The following P2RX4 variants were observed in gnomAD, a reference collection of about 807,000 sequenced individuals.
P2RX4 encodes P2X purinoceptor 4.
In P2RX4, 37 loss-of-function variants were observed where a neutral mutation model predicts 48.0. The ratio of observed to expected loss-of-function variants is 0.77; its 90% CI spans 0.59 to 1.01. The LOEUF (loss-of-function observed/expected upper bound fraction) is 1.01, where lower values mean the gene tolerates loss of function less well. P2RX4 is among the 50% of genes least tolerant of loss of function. P2RX4 has a pLI of 0.00. For synonymous variants in P2RX4, 200 were observed against 199.7 expected (o/e 1.00, Z -0.01); for missense variants, 501 against 521.4 (o/e 0.96, Z 0.38).
rs113072675 is a variant in P2RX4, at chr12:121,223,712, CG to C, written c.524+676del. On this transcript the variant is annotated intron_variant, in intron 5 of 11. Coordinates refer to ENST00000337233, the MANE Select transcript of P2RX4 (RefSeq NM_002560.3). ...TACACACATACACATGCGTGCACAGCGGGGGGGCAGTGTATTGTCCGGCTGA... is the reference window on the plus strand; with the variant it reads ...TACACACATACACATGCGTGCACAGCGGGGGGCAGTGTATTGTCCGGCTGA... Among the ~76,000 whole-genome samples the C allele has an allele frequency of 3.9e-5, 6 of 152,066 alleles. No individual in the cohort carries two copies. The East Asian group carries it at 5.8e-4, about 15-fold the overall frequency.
At chr12:121,218,573 G>A (rs1886374844) in intron 2 of P2RX4, among the ~76,000 whole-genome samples, 1 of 152,172 alleles carries the variant, frequency 6.6e-6, no homozygotes, top group Admixed American at 6.5e-5. Context: ...AGAGACGGTT[G>A]CCTCCTGTGC....
At position 121,212,824 on chromosome 12, in the gene P2RX4, A is replaced by ATATTTTTTTT. The variant is rs370835501; in HGVS notation, c.134+2527_134+2528insATTTTTTTTT. Reference sequence around the variant, plus strand: ...TATATATATATATATATATATATATATTTTTTTTTTTTTTTTGGAGACTCA... The same window carrying ATATTTTTTTT: ...TATATATATATATATATATATATATATATTTTTTTTTTTTTTTTTTTTTTTTGGAGACTCA... On this transcript the variant is annotated intron_variant, in intron 1 of 11. Transcript: ENST00000337233. 7.1e-3 allele frequency: 228 copies of ATATTTTTTTT among 32,232 alleles called. 2 individuals are homozygous for ATATTTTTTTT. Among genetic ancestry groups the ATATTTTTTTT allele is most frequent in the Non-Finnish European group, 9.6e-3 (200 of 20,820 alleles). The allele number at this position is 32,232 out of a possible 1,614,324, so 2.0% of individuals were successfully genotyped here. A position where few individuals can be genotyped will look rare whatever the true frequency, so the allele number is the denominator to read the frequency against.
intron 1 of P2RX4, 137 bp from the exon 2 acceptor site, chr12:121,216,997 T>C (rs751943413): frequency 1.1e-6 from 1 of 882,344 alleles, no homozygotes; most frequent in African/African-American, 1.6e-5. Flanking sequence ...TGGAGTCCCC[T>C]AGAAGGTACG....
chr12:121,219,311 G>A lies in P2RX4; in HGVS notation c.282+2030G>A, dbSNP rs76093908. Among the ~76,000 whole-genome samples the A allele has an allele frequency of 8.0e-3, 1,218 of 152,282 alleles. 7 individuals carry two copies. The highest frequency in any genetic ancestry group is 0.014 in the Middle Eastern group (4 of 294). On this transcript the variant is annotated intron_variant, in intron 2 of 11. Coordinates refer to ENST00000337233, the MANE Select transcript of P2RX4 (RefSeq NM_002560.3). ...TAGAGCTTCCACCACTTGTCAGACC[G>A]TGGGGTTGGGGATGTCTACAGACTG...
At chr12:121,212,279 A>T (rs999465119) in intron 1 of P2RX4, among the ~76,000 whole-genome samples, 2 of 151,962 alleles carry the variant, frequency 1.3e-5, no homozygotes. Flanking sequence ...CATCAGAACC[A>T]CCTGGCCCAC....
Position 121,232,737 on chromosome 12 carries a change from T to C in P2RX4, c.1044+61T>C. The C allele has an allele frequency of 7.2e-7, 1 of 1,394,164 alleles. No individual in the cohort carries two copies. Among genetic ancestry groups the C allele is most frequent in the South Asian group, 1.2e-5 (1 of 86,808 alleles). 86.4% of individuals were successfully genotyped at this position (1,394,164 alleles called of 1,614,324 possible). On this transcript the variant is annotated intron_variant, in intron 10 of 11. Coordinates refer to ENST00000337233, the MANE Select transcript of P2RX4 (RefSeq NM_002560.3). This position sits in a 1 kb window ranked among gnomAD's most constrained non-coding sequence, Gnocchi z 4.3. Reference sequence around the variant, plus strand: ...GAGGTGAGACCCTGGGCTGGGGTCCTGGTCCTGGCCCTAGGCCCTAGACCT... The same window carrying C: ...GAGGTGAGACCCTGGGCTGGGGTCCCGGTCCTGGCCCTAGGCCCTAGACCT...
intron 11 of P2RX4, 41 bp from the exon 12 acceptor site, chr12:121,233,482 G>T (rs201921609): frequency 6.3e-7 from 1 of 1,592,746 alleles, no homozygotes; most frequent in Non-Finnish European, 8.6e-7. Flanking sequence ...GCCACAAGGG[G>T]TCCCAGGGGC....
chr12:121,219,454 G>A (rs1886436627), intron 2 of P2RX4, among the ~76,000 whole-genome samples: 1 of 152,152 alleles, frequency 6.6e-6, no homozygotes. Flanking sequence ...GGCCCAGCCA[G>A]GCGCAGTGGC....
At chr12:121,226,310 G>T (rs990699792) in intron 5 of P2RX4, among the ~76,000 whole-genome samples, 3 of 152,092 alleles carry the variant, frequency 2.0e-5, no homozygotes, top group Admixed American at 6.6e-5. Context: ...TTGGGAGGCA[G>T]AGACGGGTGG....
intron 1 of P2RX4, among the ~76,000 whole-genome samples, chr12:121,211,269 C>A (rs1475178015): frequency 6.6e-6 from 1 of 152,172 alleles, no homozygotes; most frequent in Non-Finnish European, 1.5e-5. Context: ...ATGGCACGAT[C>A]TCGGCTCACT....
Position 121,229,199 on chromosome 12 carries a change from C to T in P2RX4, c.884+100C>T. 1 of 1,428,112 alleles carries T rather than the reference C, an allele frequency of 7.0e-7. No homozygotes were observed. The highest frequency in any genetic ancestry group is 9.8e-7 in the Non-Finnish European group (1 of 1,019,750). 88.5% of individuals were successfully genotyped at this position (1,428,112 alleles called of 1,614,324 possible). A position where few individuals can be genotyped will look rare whatever the true frequency, so the allele number is the denominator to read the frequency against. ...ACTGAAGACCAGCACTCAGGCAGCA[C>T]CCCAAGGGCAGGCTGCCGGTCCCCC... On this transcript the variant is annotated intron_variant, in intron 8 of 11. Coordinates refer to ENST00000337233, the MANE Select transcript of P2RX4 (RefSeq NM_002560.3). This position sits in a 1 kb window ranked among gnomAD's most constrained non-coding sequence, Gnocchi z 4.6.
At chr12:121,228,216 C>G (rs944091398) in intron 5 of P2RX4, among the ~76,000 whole-genome samples, 3 of 151,588 alleles carry the variant, frequency 2.0e-5, no homozygotes, top group Non-Finnish European at 2.9e-5. Context: ...ATGGTGGAAC[C>G]CTGTCTCTAC....
chr12:121,222,746 C>G (rs1369831714), intron 4 of P2RX4: 7 of 1,513,118 alleles, frequency 4.6e-6, no homozygotes, highest in Non-Finnish European at 5.3e-6. Context: ...ATCACCCTGG[C>G]TGAGATGTGG....
rs1566003902 is a variant in P2RX4, at chr12:121,221,986, T to C, written c.354+2T>C. ...CAGACACAGGGCCTGTGCCCCGAGG[T>C]AGGAGGCCCCCGGGAAGAGCCCCAG... On this transcript the variant is annotated splice_donor_variant, in intron 3 of 11. Transcript: ENST00000337233. LOFTEE classifies it high-confidence loss of function. The C allele has an allele frequency of 6.2e-7, 1 of 1,613,688 alleles. No homozygotes were observed. Among genetic ancestry groups the C allele is most frequent in the Non-Finnish European group, 8.5e-7 (1 of 1,179,668 alleles).
At chr12:121,222,921 C>A (rs939710730) in intron 4 of P2RX4, 26 bp from the exon 5 acceptor site, 3 of 1,543,066 alleles carry the variant, frequency 1.9e-6, no homozygotes, top group Non-Finnish European at 2.7e-6. Flanking sequence ...GGACATGGGA[C>A]CCCCCTGCCA....
chr12:121,232,768 G>A lies in P2RX4; in HGVS notation c.1044+92G>A, dbSNP rs1018549099. On this transcript the variant is annotated intron_variant, in intron 10 of 11. Transcript: ENST00000337233. This position sits in a 1 kb window ranked among gnomAD's most constrained non-coding sequence, Gnocchi z 4.3. ...TGGCCCTAGGCCCTAGACCTCAGAT[G>A]TGTTTCTAAACTTGACCCTCCTACC... The A allele has an allele frequency of 8.7e-7, 1 of 1,147,156 alleles. No individual in the cohort carries two copies. The highest frequency in any genetic ancestry group is 1.3e-6 in the Non-Finnish European group (1 of 761,678). The allele number at this position is 1,147,156 out of a possible 1,614,324, so 71.1% of individuals were successfully genotyped here. A position where few individuals can be genotyped will look rare whatever the true frequency, so the allele number is the denominator to read the frequency against.
chr12:121,224,620 AAAAT>A lies in P2RX4; in HGVS notation c.524+1589_524+1592del, dbSNP rs756939473. On this transcript the variant is annotated intron_variant, in intron 5 of 11. Transcript: ENST00000337233. ...CTGTCTCAAAAAATAAAAATTTAAA[AAAAT>A]AAATAAATAAAAATTTAAAAATCAA... 9.0e-4 allele frequency among the ~76,000 whole-genome samples: 137 copies of A among 152,186 alleles called. 1 individual carries two copies. The highest frequency in any genetic ancestry group is 4.0e-3 in the Admixed American group (61 of 15,278).
At chr12:121,226,872 G>C (rs1346861201) in intron 5 of P2RX4, among the ~76,000 whole-genome samples, 1 of 152,096 alleles carries the variant, frequency 6.6e-6, no homozygotes, top group Admixed American at 6.6e-5. Context: ...CAGCACTTTG[G>C]GAGACCGAGG....
intron 11 of P2RX4, 114 bp from the exon 12 acceptor site, chr12:121,233,409 G>C: frequency 8.7e-7 from 1 of 1,151,170 alleles, no homozygotes. Flanking sequence ...TTGGGTTCCA[G>C]GCCTGGGACC....
Sources: allele counts gnomAD v4.1 joint callset (sites outside exome capture counted in the v4.1 genomes callset), GRCh38; gene constraint gnomAD v4.1.1; non-coding constraint Gnocchi (gnomAD v3.1); transcripts MANE v1.5; gene names NCBI Gene and HGNC (gene_info 2026-07-23, HGNC 2026-07-21).